AGPAT3: variants seen among roughly 807,000 people sequenced by gnomAD.
AGPAT3 encodes 1-acyl-sn-glycerol-3-phosphate acyltransferase gamma.
Under a neutral mutation model 47.3 loss-of-function variants are expected in AGPAT3, and 5 were observed. The observed-to-expected ratio is 0.11, with a 90% CI of 0.06 to 0.22. The LOEUF (loss-of-function observed/expected upper bound fraction) is 0.22. AGPAT3 is among the 10% of genes least tolerant of loss of function. The probability of loss-of-function intolerance (pLI) is 1.00; values close to 1 mark genes in which losing one functional copy is unlikely to be tolerated. For synonymous variants in AGPAT3, 212 were observed against 208.3 expected (o/e 1.02, Z -0.15); for missense variants, 315 against 493.0 (o/e 0.64, Z 3.42).
intron 3 of AGPAT3, among the ~76,000 whole-genome samples, chr21:43,962,515 C>T (rs914582757): frequency 1.3e-5 from 2 of 152,196 alleles, no homozygotes; most frequent in African/African-American, 4.8e-5. Flanking sequence ...TACAAAACAG[C>T]TAAATCCTGC....
chr21:43,875,761 C>G (rs1307087209), intron 1 of AGPAT3, among the ~76,000 whole-genome samples: 2 of 152,190 alleles, frequency 1.3e-5, no homozygotes, highest in South Asian at 4.1e-4. Context: ...GTGCCCACCA[C>G]CATGCCCGGC....
At chr21:43,956,793 C>T (rs1241868661) in intron 2 of AGPAT3, among the ~76,000 whole-genome samples, 5 of 152,188 alleles carry the variant, frequency 3.3e-5, no homozygotes, top group African/African-American at 7.2e-5. Context: ...GCCCCTTCCG[C>T]GCAGGAAGGA....
intron 2 of AGPAT3, among the ~76,000 whole-genome samples, chr21:43,927,221 C>A (rs1490226261): frequency 6.6e-6 from 1 of 152,062 alleles, no homozygotes; most frequent in African/African-American, 2.4e-5. Flanking sequence ...GTATTACTCT[C>A]TTTTATAAAA....
chr21:43,948,987 T>A (rs1043154107), intron 2 of AGPAT3, among the ~76,000 whole-genome samples: 8 of 152,234 alleles, frequency 5.3e-5, no homozygotes, highest in Non-Finnish European at 1.2e-4. Context: ...TGTCTACTGA[T>A]AAGCCGGTAC....
chr21:43,872,856 C>T (rs2085651066), intron 1 of AGPAT3, among the ~76,000 whole-genome samples: 1 of 152,218 alleles, frequency 6.6e-6, no homozygotes, highest in African/African-American at 2.4e-5. Context: ...ACTCTGCCTC[C>T]TTGAAGCAGA....
intron 2 of AGPAT3, among the ~76,000 whole-genome samples, chr21:43,931,997 C>G (rs142132161): frequency 6.6e-6 from 1 of 150,858 alleles, no homozygotes; most frequent in Non-Finnish European, 1.5e-5. Flanking sequence ...TGTCATCTAT[C>G]TATAATTGAC....
intron 1 of AGPAT3, among the ~76,000 whole-genome samples, chr21:43,898,495 A>T (rs1295630369): frequency 6.6e-6 from 1 of 152,198 alleles, no homozygotes; most frequent in Non-Finnish European, 1.5e-5. Context: ...ACCTTCGTTA[A>T]TGCCCCTTAC....
chr21:43,892,694 C>T (rs1350040380), intron 1 of AGPAT3, among the ~76,000 whole-genome samples: 1 of 152,212 alleles, frequency 6.6e-6, no homozygotes, highest in East Asian at 1.9e-4. Flanking sequence ...ACAAGAAAGT[C>T]AGCCTGTCCC....
intron 1 of AGPAT3, among the ~76,000 whole-genome samples, chr21:43,884,148 C>T (rs371032303): frequency 1.3e-5 from 2 of 152,308 alleles, no homozygotes; most frequent in African/African-American, 4.8e-5. Context: ...GCAGGCCTTC[C>T]TGGACGTTCC....
chr21:43,972,770 C>T (rs1471944648), intron 7 of AGPAT3, among the ~76,000 whole-genome samples: 1 of 152,230 alleles, frequency 6.6e-6, no homozygotes, highest in Non-Finnish European at 1.5e-5. Flanking sequence ...CACAAATCAT[C>T]ATTTCAGGCA....
intron 2 of AGPAT3, among the ~76,000 whole-genome samples, chr21:43,910,090 T>G (rs1415422638): frequency 6.6e-6 from 1 of 152,152 alleles, no homozygotes; most frequent in Non-Finnish European, 1.5e-5. Context: ...GATCCCCCTG[T>G]TCGTGAGTTC....
intron 8 of AGPAT3, among the ~76,000 whole-genome samples, chr21:43,980,275 CAA>C (rs1223637093): frequency 9.2e-5 from 5 of 54,634 alleles, no homozygotes; most frequent in East Asian, 5.2e-4. Flanking sequence ...GACTCCATCT[CAA>C]AAAAAAAAAA....
intron 1 of AGPAT3, among the ~76,000 whole-genome samples, chr21:43,888,952 G>A (rs1339391391): frequency 6.6e-6 from 1 of 151,758 alleles, no homozygotes; most frequent in Non-Finnish European, 1.5e-5. Flanking sequence ...TTGTGTCATT[G>A]CACTCCAGCC....
In AGPAT3 at chr21:43,982,512, T is replaced by C. The variant is rs912507433; in HGVS notation, c.*120T>C. ...ATTTTTCTTATTAACTGGTGACTAATATTAACAAAACTTGAGCCAAGAGTA... is the reference window on the plus strand; with the variant it reads ...ATTTTTCTTATTAACTGGTGACTAACATTAACAAAACTTGAGCCAAGAGTA... On this transcript the variant is annotated 3_prime_UTR_variant, in exon 10 of 10. Transcript: ENST00000291572. The surrounding 1 kb of genome is among the most constrained non-coding windows in gnomAD (Gnocchi z 6.2). 11 of 715,210 alleles carry C rather than the reference T, an allele frequency of 1.5e-5. No homozygotes were observed. Among genetic ancestry groups the C allele is most frequent in the Non-Finnish European group, 2.5e-5 (11 of 437,080 alleles). The allele number at this position is 715,210 out of a possible 1,614,324, so 44.3% of individuals were successfully genotyped here.
chr21:43,948,994 G>A (rs1285589429), intron 2 of AGPAT3, among the ~76,000 whole-genome samples: 1 of 152,094 alleles, frequency 6.6e-6, no homozygotes, highest in East Asian at 1.9e-4. Flanking sequence ...TGATAAGCCG[G>A]TACTGTGCTG....
chr21:43,980,806 A>G (rs78089178), intron 8 of AGPAT3, among the ~76,000 whole-genome samples, 183 bp from the exon 9 acceptor site: 1,671 of 152,300 alleles, frequency 0.011, 31 homozygotes, highest in African/African-American at 0.038. Context: ...GCACGCTATC[A>G]GATTCTCCAA....
rs2086927910 is a variant in AGPAT3, at chr21:43,922,726, C to G, written c.-49+18707C>G. ...GGGGCTGTGGCTCAGGAGCCATGTG[C>G]CAGGCAGGGCACTCCGTCAGTGTAG... On this transcript the variant is annotated intron_variant, in intron 2 of 9. Transcript: ENST00000291572. The surrounding 1 kb of genome is among the most constrained non-coding windows in gnomAD (Gnocchi z 4.9). Among the ~76,000 whole-genome samples, 1 of 151,936 alleles carries G rather than the reference C, an allele frequency of 6.6e-6. No individual in the cohort carries two copies. Among genetic ancestry groups the G allele is most frequent in the African/African-American group, 2.4e-5 (1 of 41,446 alleles).
At chr21:43,957,894 C>T (rs1045023027) in intron 2 of AGPAT3, among the ~76,000 whole-genome samples, 1 of 152,224 alleles carries the variant, frequency 6.6e-6, no homozygotes, top group African/African-American at 2.4e-5. Context: ...GGGGGGCCAC[C>T]GGCTTCCCTG....
chr21:43,943,974 G>A (rs1006768785), intron 2 of AGPAT3, among the ~76,000 whole-genome samples: 30 of 152,196 alleles, frequency 2.0e-4, no homozygotes, highest in African/African-American at 7.0e-4. Context: ...GGCAGCTTCG[G>A]GAGGGTTCCA....
Sources: allele counts gnomAD v4.1 joint callset (sites outside exome capture counted in the v4.1 genomes callset), GRCh38; gene constraint gnomAD v4.1.1; non-coding constraint Gnocchi (gnomAD v3.1); transcripts MANE v1.5; gene names NCBI Gene and HGNC (gene_info 2026-07-23, HGNC 2026-07-21).